The following SCAPER variants were observed in gnomAD, a reference collection of about 807,000 sequenced individuals.
SCAPER encodes the protein S-phase cyclin A associated protein in the ER, also known as S phase cyclin A-associated protein in the endoplasmic reticulum.
Under a neutral mutation model 182.2 loss-of-function variants are expected in SCAPER, and 98 were observed. The ratio of observed to expected loss-of-function variants is 0.54; its 90% CI spans 0.46 to 0.64. SCAPER has a LOEUF of 0.64. Among genes scored for constraint, SCAPER ranks in the 30% least tolerant of loss-of-function variants. The probability of loss-of-function intolerance (pLI) is 0.00; values close to 1 mark genes in which losing one functional copy is unlikely to be tolerated. For missense variants in SCAPER, 1,432 were observed against 1,690.0 expected (o/e 0.85, Z 2.68); for synonymous variants, 605 against 564.6 (o/e 1.07, Z -1.01).
intron 21 of SCAPER, among the ~76,000 whole-genome samples, chr15:76,633,834 C>T (rs971834379): frequency 8.5e-5 from 13 of 152,328 alleles, no homozygotes; most frequent in Non-Finnish European, 1.3e-4. Flanking sequence ...CCTCTCCGCC[C>T]GGAACTTGGT....
intron 8 of SCAPER, among the ~76,000 whole-genome samples, chr15:76,787,940 C>T (rs1019266017): frequency 3.3e-5 from 5 of 152,130 alleles, no homozygotes; most frequent in African/African-American, 4.8e-5. Context: ...AAATATCCAA[C>T]ACAACACGAG....
At chr15:76,607,241 G>T (rs574276689) in intron 22 of SCAPER, among the ~76,000 whole-genome samples, 1 of 152,134 alleles carries the variant, frequency 6.6e-6, no homozygotes, top group South Asian at 2.1e-4. Flanking sequence ...GCATTTACTT[G>T]TCTGTAAAGT....
chr15:76,792,912 A>G (rs2046415), intron 8 of SCAPER, among the ~76,000 whole-genome samples: 20,456 of 152,214 alleles, frequency 0.13, 1,411 homozygotes, highest in African/African-American at 0.17. Context: ...TGCTACATAG[A>G]AATAGATATT....
intron 4 of SCAPER, among the ~76,000 whole-genome samples, chr15:76,850,859 C>CAAAAAAAAAAAAAAAAAAAA (rs59202490): frequency 2.2e-5 from 2 of 90,054 alleles, no homozygotes; most frequent in Non-Finnish European, 2.3e-5. Flanking sequence ...GACTCTGTCT[C>CAAAAAAAAAAAAAAAAAAAA]AAAAAAAAAA....
At chr15:76,775,305 A>G (rs1480782946) in intron 8 of SCAPER, among the ~76,000 whole-genome samples, 188 bp from the exon 9 acceptor site, 1 of 152,150 alleles carries the variant, frequency 6.6e-6, no homozygotes, top group Non-Finnish European at 1.5e-5. Context: ...AATTATTCCT[A>G]CTTTACAAAT....
intron 18 of SCAPER, among the ~76,000 whole-genome samples, chr15:76,704,926 G>A (rs1166803873): frequency 1.3e-5 from 2 of 152,122 alleles, no homozygotes; most frequent in Non-Finnish European, 2.9e-5. Flanking sequence ...GGAGAAACAG[G>A]AACACTTTTA....
At chr15:76,379,485 T>C (rs923248856) in intron 28 of SCAPER, among the ~76,000 whole-genome samples, 1 of 152,152 alleles carries the variant, frequency 6.6e-6, no homozygotes, top group African/African-American at 2.4e-5. Flanking sequence ...CATTTCTTTT[T>C]ATCCCTAGAG....
chr15:76,831,339 C>G (rs2068456654), intron 5 of SCAPER, among the ~76,000 whole-genome samples: 1 of 152,078 alleles, frequency 6.6e-6, no homozygotes, highest in Non-Finnish European at 1.5e-5. Flanking sequence ...GCCACAGTGG[C>G]CCCACTGAAA....
chr15:76,752,302 A>ATGTAGAAAACAC (rs2062137832), intron 15 of SCAPER, among the ~76,000 whole-genome samples: 1 of 151,802 alleles, frequency 6.6e-6, no homozygotes, highest in South Asian at 2.1e-4. Flanking sequence ...ATGGTGAACT[A>ATGTAGAAAACAC]CATGTAGAAA....
At chr15:76,657,164 GA>G (rs964139845) in intron 21 of SCAPER, among the ~76,000 whole-genome samples, 5 of 151,634 alleles carry the variant, frequency 3.3e-5, no homozygotes, top group Non-Finnish European at 7.4e-5. Context: ...GACTAATAAA[GA>G]AAAAAAGACA....
intron 25 of SCAPER, among the ~76,000 whole-genome samples, chr15:76,464,328 T>G (rs143354157): frequency 1.4e-3 from 214 of 152,276 alleles, no homozygotes; most frequent in African/African-American, 5.1e-3. Flanking sequence ...TTATAGCATA[T>G]GACAGAATTC....
chr15:76,374,488 CTT>C (rs779428116), intron 29 of SCAPER, among the ~76,000 whole-genome samples: 10 of 135,510 alleles, frequency 7.4e-5, no homozygotes, highest in Admixed American at 7.4e-5. Context: ...GAGTAGGGGG[CTT>C]TTTTTTTTTT....
intron 24 of SCAPER, among the ~76,000 whole-genome samples, chr15:76,473,847 G>C (rs2050400295): frequency 6.6e-6 from 1 of 152,028 alleles, no homozygotes; most frequent in Non-Finnish European, 1.5e-5. Flanking sequence ...CTGTCACCCA[G>C]GCTGGAGTGA....
At chr15:76,622,940 C>T (rs550064109) in intron 21 of SCAPER, among the ~76,000 whole-genome samples, 2 of 152,148 alleles carry the variant, frequency 1.3e-5, no homozygotes, top group African/African-American at 4.8e-5. Flanking sequence ...GCCAGGTGCC[C>T]TCCCTATAGG....
intron 23 of SCAPER, among the ~76,000 whole-genome samples, chr15:76,566,136 A>C (rs1472969416): frequency 1.3e-5 from 2 of 152,126 alleles, no homozygotes. Context: ...TTACTGATTT[A>C]TCTCTCTGAG....
intron 23 of SCAPER, among the ~76,000 whole-genome samples, chr15:76,568,375 G>A (rs947040925): frequency 5.3e-5 from 8 of 151,358 alleles, no homozygotes; most frequent in South Asian, 2.1e-4. Flanking sequence ...CTCTCCCTGC[G>A]CCACAAGTCT....
At chr15:76,457,007 G>A (rs1408948521) in intron 25 of SCAPER, among the ~76,000 whole-genome samples, 1 of 150,632 alleles carries the variant, frequency 6.6e-6, no homozygotes, top group East Asian at 1.9e-4. Flanking sequence ...TAGAGCACAT[G>A]GTTAGGTCTT....
At chr15:76,671,286 T>C (rs1471042206) in intron 20 of SCAPER, among the ~76,000 whole-genome samples, 1 of 152,130 alleles carries the variant, frequency 6.6e-6, no homozygotes, top group Non-Finnish European at 1.5e-5. Flanking sequence ...TGAGCCGTGA[T>C]TGCACCACTG....
At chr15:76,638,518 TGAG>T (rs1471828604) in intron 21 of SCAPER, among the ~76,000 whole-genome samples, 1 of 152,192 alleles carries the variant, frequency 6.6e-6, no homozygotes, top group Non-Finnish European at 1.5e-5. Flanking sequence ...TTTACCAGAT[TGAG>T]GAGGTTTCCC....
Sources: gnomAD v4.1 joint callset for allele counts (sites outside exome capture counted in the v4.1 genomes callset) on GRCh38, gnomAD v4.1.1 for gene constraint, MANE v1.5 for transcripts, NCBI Gene and HGNC (gene_info 2026-07-23, HGNC 2026-07-21) for gene names.